ZSCAN5C: variants seen among roughly 807,000 people sequenced by gnomAD.
ZSCAN5C encodes the protein zinc finger and SCAN domain containing 5C.
Under a neutral mutation model 17.3 loss-of-function variants are expected in ZSCAN5C, and 11 were observed. The ratio of observed to expected loss-of-function variants is 0.64; its 90% CI spans 0.40 to 1.06. The LOEUF (loss-of-function observed/expected upper bound fraction) is 1.06. ZSCAN5C is among the 50% of genes least tolerant of loss of function. The probability of loss-of-function intolerance (pLI) is 0.00; values close to 1 mark genes in which losing one functional copy is unlikely to be tolerated. For missense variants in ZSCAN5C, 698 were observed against 538.9 expected (o/e 1.30, Z -2.92); for synonymous variants, 229 against 208.4 (o/e 1.10, Z -0.85).
chr19:56,207,024 C>G lies in ZSCAN5C; in HGVS notation c.385-35C>G, dbSNP rs1421585195. 3 of 694,708 alleles carry G rather than the reference C, an allele frequency of 4.3e-6. No individual in the cohort carries two copies. The East Asian group carries it at 8.1e-5, about 19-fold the overall frequency. 43.0% of individuals were successfully genotyped at this position (694,708 alleles called of 1,614,324 possible). On this transcript the variant is annotated intron_variant, in intron 2 of 4. Coordinates refer to ENST00000534327, the Ensembl canonical transcript of ZSCAN5C. ...AATATGAGAGCTACTTTCAGGTTCT[C>G]ATAGTTAGTCTGATTGCTTTTTTTC...
intron 1 of ZSCAN5C, among the ~76,000 whole-genome samples, chr19:56,203,809 C>A (rs1011158953): frequency 3.3e-5 from 5 of 151,434 alleles, no homozygotes; most frequent in African/African-American, 7.3e-5. Context: ...GCCACCAAGC[C>A]TGGCTAATTT....
intron 1 of ZSCAN5C, among the ~76,000 whole-genome samples, chr19:56,204,376 C>G (rs1031964957): frequency 3.3e-5 from 5 of 151,440 alleles, no homozygotes; most frequent in Non-Finnish European, 5.9e-5. Context: ...CACCAACACT[C>G]GTTCCATGTG....
chr19:56,203,974 G>A (rs181421871), intron 1 of ZSCAN5C, among the ~76,000 whole-genome samples: 1 of 151,774 alleles, frequency 6.6e-6, no homozygotes, highest in East Asian at 1.9e-4. Context: ...TTTAATTATT[G>A]TTTACATTAC....
chr19:56,205,269 C>CT (rs1367684387), intron 1 of ZSCAN5C, among the ~76,000 whole-genome samples: 1 of 151,918 alleles, frequency 6.6e-6, no homozygotes, highest in African/African-American at 2.4e-5. Context: ...AACAAAATAT[C>CT]TGTGTAGGAG....
chr19:56,207,107 G>T (rs1170428940), exon 3 of ZSCAN5C: 1 of 753,296 alleles, frequency 1.3e-6, no homozygotes, highest in Non-Finnish European at 2.5e-6. Flanking sequence ...GGAATCAGAT[G>T]TGGAGATGGC....
At chr19:56,209,180 C>G (rs1466978397) in exon 5 of ZSCAN5C, 1 of 898,530 alleles carries the variant, frequency 1.1e-6, no homozygotes, top group East Asian at 2.6e-5. Context: ...GAAAACACAT[C>G]GAGAAGCCAC....
At position 56,205,709 on chromosome 19, in the gene ZSCAN5C, G is replaced by A. The variant is rs79352363; in HGVS notation, c.-127-78G>A. The A allele has an allele frequency of 3.2e-4, 174 of 551,320 alleles. 8 individuals carry two copies. The highest frequency in any genetic ancestry group is 3.0e-3 in the African/African-American group (156 of 52,696). 34.2% of individuals were successfully genotyped at this position (551,320 alleles called of 1,614,324 possible). On this transcript the variant is annotated intron_variant, in intron 1 of 4. Transcript: ENST00000534327. The stretch of plus-strand genomic sequence containing the variant: ...ATGCTAGAGGGGAAGTGGGGTCTGG[G>A]ATTGGGATGAGGGATTTGGAAGGAT...
At chr19:56,204,550 G>T (rs909990834) in intron 1 of ZSCAN5C, among the ~76,000 whole-genome samples, 1 of 150,862 alleles carries the variant, frequency 6.6e-6, no homozygotes, top group African/African-American at 2.5e-5. Context: ...CCCTCTAGTG[G>T]GTTGTTTTCT....
In ZSCAN5C at chr19:56,208,622, A is replaced by T. The variant is rs575645142; in HGVS notation, c.913A>T (p.Thr305Ser). 582 of 1,607,622 alleles carry T rather than the reference A, an allele frequency of 3.6e-4. 4 individuals are homozygous for T. The African/African-American group carries it at 6.4e-3, about 18-fold the overall frequency. The change falls in exon 5 of 5, where the codon ACC (threonine) becomes TCC (serine). Residue 305 changes from threonine (T) to serine (S), a missense_variant. Coordinates refer to ENST00000534327, the Ensembl canonical transcript of ZSCAN5C. Reference sequence around the variant, plus strand: ...TCTCAAAAGAAGCAAACCAGACGCCACCTCCATTTCCCAAGAAGAGCCTCA... The same window carrying T: ...TCTCAAAAGAAGCAAACCAGACGCCTCCTCCATTTCCCAAGAAGAGCCTCA...
At chr19:56,207,828 G>T (rs1286282334) in intron 3 of ZSCAN5C, among the ~76,000 whole-genome samples, 1 of 151,806 alleles carries the variant, frequency 6.6e-6, no homozygotes, top group African/African-American at 2.4e-5. Flanking sequence ...AGGGGTTAGG[G>T]GCCTCCACCT....
exon 2 of ZSCAN5C, chr19:56,205,803 T>C (rs942750997): frequency 5.0e-6 from 3 of 595,320 alleles, no homozygotes; most frequent in Admixed American, 5.9e-5. Flanking sequence ...GAATGAACAG[T>C]GAATCTATTA....
chr19:56,208,906 G>A (rs753422658), exon 5 of ZSCAN5C: 2 of 1,611,514 alleles, frequency 1.2e-6, no homozygotes, highest in Non-Finnish European at 8.5e-7. Context: ...GCATAGGCCT[G>A]CAATTTCACC....
In ZSCAN5C at chr19:56,205,279, G is replaced by T. The variant is rs891219710; in HGVS notation, c.-127-508G>T. 6.4e-4 allele frequency among the ~76,000 whole-genome samples: 97 copies of T among 152,056 alleles called. 2 individuals are homozygous for T. Among genetic ancestry groups the T allele is most frequent in the African/African-American group, 2.3e-3 (93 of 41,328 alleles). ...AAAATAACAAAATATCTGTGTAGGA[G>T]CTTAATCCTCATAGGATTCTTTAGT... On this transcript the variant is annotated intron_variant, in intron 1 of 4. Coordinates refer to ENST00000534327, the Ensembl canonical transcript of ZSCAN5C.
chr19:56,206,209 A>T, exon 2 of ZSCAN5C: 1 of 1,585,008 alleles, frequency 6.3e-7, no homozygotes, highest in Non-Finnish European at 8.6e-7. Flanking sequence ...ATGCCCCAGG[A>T]GCTCCAGGTC....
chr19:56,204,399 C>T (rs536392714), intron 1 of ZSCAN5C, among the ~76,000 whole-genome samples: 7 of 151,640 alleles, frequency 4.6e-5, no homozygotes, highest in African/African-American at 1.5e-4. Context: ...TTTTTGGGAA[C>T]AGCCACTCTA....
At chr19:56,209,275 T>C, downstream of ZSCAN5C, 1 of 612,000 alleles carries the variant, frequency 1.6e-6, no homozygotes, top group South Asian at 2.0e-5. Context: ...CAGATGACGT[T>C]TGACAGATGA....
At position 56,208,876 on chromosome 19, in the gene ZSCAN5C, C is replaced by T. The variant is rs556562377; in HGVS notation, c.1167C>T (p.Cys389=). Residue 389 remains cysteine, a synonymous_variant, in exon 5 of 5, where the codon TGC becomes TGT. Coordinates refer to ENST00000534327, the Ensembl canonical transcript of ZSCAN5C. The stretch of plus-strand genomic sequence containing the variant: ...AGAGACTCTTTCAGTGTAATCTCTG[C>T]GGGAAGCGCTTCATGCAGCGCATAG... The T allele has an allele frequency of 4.4e-5, 70 of 1,587,530 alleles. 1 individual carries two copies. The highest frequency in any genetic ancestry group is 2.0e-4 in the South Asian group (18 of 90,284).
At chr19:56,207,509 A>G in intron 3 of ZSCAN5C, among the ~76,000 whole-genome samples, 1 of 151,430 alleles carries the variant, frequency 6.6e-6, no homozygotes. Flanking sequence ...CGGTGAAATA[A>G]CGGAGGCAGT....
intron 1 of ZSCAN5C, among the ~76,000 whole-genome samples, chr19:56,202,858 A>G (rs1283157718): frequency 6.6e-6 from 1 of 151,992 alleles, no homozygotes; most frequent in Non-Finnish European, 1.5e-5. Context: ...CTGGCCACAC[A>G]CCACTTGTTA....
Sources: allele counts gnomAD v4.1 joint callset (sites outside exome capture counted in the v4.1 genomes callset), GRCh38; gene constraint gnomAD v4.1.1; transcripts MANE v1.5; gene names NCBI Gene and HGNC (gene_info 2026-07-23, HGNC 2026-07-21).